EYS: variants seen among roughly 807,000 people sequenced by gnomAD.
EYS encodes the protein protein eyes shut homolog.
In EYS, 250 loss-of-function variants were observed where a neutral mutation model predicts 282.1. The observed-to-expected ratio is 0.89, with a 90% confidence interval of 0.80 to 0.98. The LOEUF (loss-of-function observed/expected upper bound fraction) is 0.98, where lower values mean the gene tolerates loss of function less well. Among genes scored for constraint, EYS ranks in the 50% least tolerant of loss-of-function variants. EYS has a pLI of 0.00. For missense variants in EYS, 4,016 were observed against 3,709.0 expected (o/e 1.08, Z -2.15); for synonymous variants, 1,355 against 1,282.9 (o/e 1.06, Z -1.20).
intron 19 of EYS, among the ~76,000 whole-genome samples, chr6:64,841,565 G>A (rs558710840): frequency 2.0e-5 from 3 of 152,254 alleles, no homozygotes; most frequent in South Asian, 2.1e-4. Context: ...TAAAGATAAT[G>A]TAAGTATCTA....
chr6:63,943,501 C>T (rs914788375), intron 35 of EYS, among the ~76,000 whole-genome samples: 3 of 151,858 alleles, frequency 2.0e-5, no homozygotes, highest in Admixed American at 6.6e-5. Flanking sequence ...GTGTATAAAC[C>T]TAAACATTAC....
intron 35 of EYS, among the ~76,000 whole-genome samples, chr6:63,898,897 C>A (rs923914681): frequency 6.6e-6 from 1 of 152,114 alleles, no homozygotes; most frequent in Non-Finnish European, 1.5e-5. Context: ...GTTTTTAGTG[C>A]ATCATTATGA....
intron 33 of EYS, among the ~76,000 whole-genome samples, chr6:64,045,383 G>GTTTATTTTATTTTATTTTAT (rs548483513): frequency 2.2e-4 from 30 of 137,514 alleles, no homozygotes; most frequent in African/African-American, 3.9e-4. Context: ...GGTGAAACAA[G>GTTTATTTTATTTTATTTTAT]TTTATTTTAT....
At chr6:65,279,227 A>T (rs1768150404) in intron 12 of EYS, among the ~76,000 whole-genome samples, 1 of 151,818 alleles carries the variant, frequency 6.6e-6, no homozygotes, top group South Asian at 2.1e-4. Flanking sequence ...CAAATATGGT[A>T]CCTGTTTACC....
At chr6:64,684,515 G>C (rs62418025) in intron 22 of EYS, among the ~76,000 whole-genome samples, 1 of 151,756 alleles carries the variant, frequency 6.6e-6, no homozygotes, top group Non-Finnish European at 1.5e-5. Context: ...TGTAGGTAAA[G>C]TCTTATATTT....
intron 12 of EYS, among the ~76,000 whole-genome samples, chr6:65,262,913 T>G (rs1395568721): frequency 6.6e-6 from 1 of 152,158 alleles, no homozygotes. Context: ...AGCCATTGGA[T>G]CCGTCATTGA....
chr6:65,329,565 G>A (rs9354227), intron 11 of EYS: 979,948 of 982,974 alleles, frequency 1, 488,522 homozygotes, highest in East Asian at 1. Context: ...TATGCAGTTC[G>A]ATATCTTTTT....
chr6:64,809,971 T>A (rs1764544857), intron 22 of EYS, among the ~76,000 whole-genome samples: 1 of 152,044 alleles, frequency 6.6e-6, no homozygotes. Flanking sequence ...CTATAATAAA[T>A]GTTGAAAATG....
At chr6:64,028,870 T>A (rs957579298) in intron 33 of EYS, among the ~76,000 whole-genome samples, 29 of 152,322 alleles carry the variant, frequency 1.9e-4, no homozygotes, top group African/African-American at 6.7e-4. Context: ...AAGGCCCAGC[T>A]TTGCCTACAG....
At chr6:65,673,096 T>C (rs533130958) in intron 1 of EYS, among the ~76,000 whole-genome samples, 8 of 152,278 alleles carry the variant, frequency 5.3e-5, no homozygotes, top group African/African-American at 1.9e-4. Flanking sequence ...TGTCTGGATG[T>C]ATACGTGCAG....
intron 21 of EYS, among the ~76,000 whole-genome samples, chr6:64,818,163 C>T (rs954728291): frequency 2.6e-5 from 4 of 152,058 alleles, no homozygotes; most frequent in African/African-American, 9.7e-5. Flanking sequence ...CCTCCTAAGT[C>T]TTATCAAACT....
chr6:64,719,912 A>C (rs1448050176), intron 22 of EYS, among the ~76,000 whole-genome samples: 1 of 152,146 alleles, frequency 6.6e-6, no homozygotes, highest in Non-Finnish European at 1.5e-5. Flanking sequence ...AAAATAAATA[A>C]ATAGTATGTC....
intron 2 of EYS, among the ~76,000 whole-genome samples, chr6:65,539,495 T>C (rs1768084727): frequency 6.6e-6 from 1 of 152,164 alleles, no homozygotes; most frequent in Non-Finnish European, 1.5e-5. Flanking sequence ...AACAGAATGA[T>C]AACACTCAAC....
chr6:65,134,725 G>A (rs952764669), intron 12 of EYS, among the ~76,000 whole-genome samples: 8 of 151,946 alleles, frequency 5.3e-5, no homozygotes, highest in Non-Finnish European at 1.2e-4. Context: ...TAACAAACCT[G>A]TATGTGTGCC....
intron 30 of EYS, among the ~76,000 whole-genome samples, chr6:64,232,649 C>T (rs1331987550): frequency 6.6e-6 from 1 of 152,140 alleles, no homozygotes; most frequent in Non-Finnish European, 1.5e-5. Context: ...CCTCGGCCCC[C>T]CCAGAGCATT....
chr6:63,970,242 T>C (rs888112281), intron 35 of EYS, among the ~76,000 whole-genome samples: 1 of 152,204 alleles, frequency 6.6e-6, no homozygotes, highest in Non-Finnish European at 1.5e-5. Flanking sequence ...GACCACTTCA[T>C]AGCATTACAC....
At chr6:64,758,096 G>T (rs111654990) in intron 22 of EYS, among the ~76,000 whole-genome samples, 8 of 151,796 alleles carry the variant, frequency 5.3e-5, no homozygotes, top group African/African-American at 1.9e-4. Context: ...TTCTTAACAC[G>T]TCAAACACAG....
chr6:65,100,557 C>T (rs1272707707), intron 12 of EYS, among the ~76,000 whole-genome samples: 1 of 150,508 alleles, frequency 6.6e-6, no homozygotes, highest in African/African-American at 2.4e-5. Flanking sequence ...AAAAAAGGAA[C>T]AAAATTATGT....
intron 22 of EYS, among the ~76,000 whole-genome samples, chr6:64,777,255 T>G (rs556678891): frequency 6.6e-6 from 1 of 152,264 alleles, no homozygotes; most frequent in East Asian, 1.9e-4. Context: ...GGCAGACTGT[T>G]GTATTAAGTG....
Sources: gnomAD v4.1 joint callset for allele counts (sites outside exome capture counted in the v4.1 genomes callset) on GRCh38, gnomAD v4.1.1 for gene constraint, MANE v1.5 for transcripts, NCBI Gene and HGNC (gene_info 2026-07-23, HGNC 2026-07-21) for gene names.